Variants in CA10 observed in about 807,000 individuals in gnomAD.
CA10 encodes the protein carbonic anhydrase-related protein 10.
CA10 carries 14 observed loss-of-function variants against 44.2 expected under a neutral mutation model. The observed-to-expected ratio is 0.32, with a 90% confidence interval of 0.21 to 0.50. CA10 has a LOEUF of 0.50. CA10 is among the 20% of genes least tolerant of loss of function. CA10 has a pLI of 0.99. For missense variants in CA10, 350 were observed against 409.7 expected (o/e 0.85, Z 1.26); for synonymous variants, 159 against 141.6 (o/e 1.12, Z -0.87).
chr17:51,919,515 TTTC>T (rs1464899058), intron 3 of CA10, among the ~76,000 whole-genome samples: 1 of 152,232 alleles, frequency 6.6e-6, no homozygotes, highest in Non-Finnish European at 1.5e-5. Context: ...CTCATGTTTT[TTTC>T]TTTTCTCTCC....
chr17:51,854,852 G>T (rs893590319), intron 3 of CA10, among the ~76,000 whole-genome samples: 2 of 152,164 alleles, frequency 1.3e-5, no homozygotes, highest in African/African-American at 4.8e-5. Flanking sequence ...GTTGGGTCTG[G>T]GTCCCAGTGC....
intron 2 of CA10, among the ~76,000 whole-genome samples, chr17:51,947,362 T>C (rs936529932): frequency 2.6e-5 from 4 of 151,734 alleles, no homozygotes; most frequent in Non-Finnish European, 5.9e-5. Context: ...CCGACAAAGG[T>C]TCACATACCT....
rs186943430 is a variant in CA10 at position 51,643,366 on chromosome 17, C to A, written c.634+5816G>T. 3.4e-3 allele frequency among the ~76,000 whole-genome samples: 517 copies of A among 152,274 alleles called. 3 individuals carry two copies. Among genetic ancestry groups the A allele is most frequent in the African/African-American group, 0.012 (485 of 41,558 alleles). ...ACTTCAAGTAAATTACCAATATCTC[C>A]TCCAGAAAATCCATTCGGAAAATCT... is the stretch of plus-strand genomic sequence containing the variant. On this transcript the variant is annotated intron_variant, in intron 6 of 8. Transcript: ENST00000451037.
At chr17:51,718,691 G>C (rs767856384) in intron 4 of CA10, among the ~76,000 whole-genome samples, 6 of 152,150 alleles carry the variant, frequency 3.9e-5, no homozygotes, top group Non-Finnish European at 7.3e-5. Flanking sequence ...CCTCTGAAGT[G>C]GGGGGAAAAC....
intron 3 of CA10, among the ~76,000 whole-genome samples, chr17:51,753,934 C>T (rs749924982): frequency 3.3e-5 from 5 of 152,132 alleles, no homozygotes; most frequent in Admixed American, 3.3e-4. Context: ...ACCTCCACCT[C>T]CCGGGTTCAA....
chr17:52,114,542 C>A (rs1254484641), intron 1 of CA10, among the ~76,000 whole-genome samples: 11 of 152,150 alleles, frequency 7.2e-5, no homozygotes, highest in Admixed American at 7.2e-4. Flanking sequence ...ATAGTAAATT[C>A]CTTATAAATA....
intron 3 of CA10, among the ~76,000 whole-genome samples, chr17:51,884,203 A>C (rs1980497268): frequency 1.3e-5 from 2 of 152,060 alleles, no homozygotes; most frequent in African/African-American, 4.8e-5. Flanking sequence ...TGGCCTTTTC[A>C]CTGGACACCT....
chr17:52,156,808 G>A lies in CA10; in HGVS notation c.61+918C>T, dbSNP rs539596424. ...TTCCTTGGGTGCTTAAGTGGCAGGT[G>A]TGAAGGGAAATGGGGTGGGTGCCTT... On this transcript the variant is annotated intron_variant, in intron 1 of 8. Transcript: ENST00000451037. 7.2e-5 allele frequency among the ~76,000 whole-genome samples: 11 copies of A among 152,346 alleles called. No homozygotes were observed. The South Asian group carries it at 1.2e-3, about 17-fold the overall frequency.
intron 3 of CA10, among the ~76,000 whole-genome samples, chr17:51,860,854 A>G (rs553244130): frequency 7.9e-4 from 120 of 152,262 alleles, no homozygotes; most frequent in Non-Finnish European, 1.5e-3. Context: ...GATTTGGGGA[A>G]GCAAACAAAA....
At chr17:52,023,610 A>G (rs1157807810) in intron 2 of CA10, among the ~76,000 whole-genome samples, 1 of 152,152 alleles carries the variant, frequency 6.6e-6, no homozygotes, top group Non-Finnish European at 1.5e-5. Flanking sequence ...AACCTCCAAC[A>G]TTTACAAATG....
intron 1 of CA10, among the ~76,000 whole-genome samples, chr17:52,150,637 A>G (rs1331420652): frequency 6.6e-6 from 1 of 152,162 alleles, no homozygotes; most frequent in Non-Finnish European, 1.5e-5. Flanking sequence ...TGTGTACTCT[A>G]TTGGAAATAA....
chr17:51,831,733 A>AGCAGCAGCAGCAGCAGCAGCCGCCGCAGC (rs1567854687), intron 3 of CA10, among the ~76,000 whole-genome samples: 1 of 121,522 alleles, frequency 8.2e-6, no homozygotes, highest in African/African-American at 4.1e-5. Flanking sequence ...GCAGCAGCAG[A>AGCAGCAGCAGCAGCAGCAGCCGCCGCAGC]AAAAGACCTT....
chr17:51,748,448 T>C, intron 3 of CA10: 1 of 983,642 alleles, frequency 1.0e-6, no homozygotes, highest in Non-Finnish European at 1.2e-6. Context: ...GATTCCATCT[T>C]GCTCCAGCCC....
chr17:52,059,655 A>G (rs923561869), intron 2 of CA10, among the ~76,000 whole-genome samples: 7 of 146,980 alleles, frequency 4.8e-5, no homozygotes, highest in African/African-American at 1.7e-4. Context: ...CATGTACCCT[A>G]GAACTTAAAG....
At chr17:52,058,828 T>G (rs1014945436) in intron 2 of CA10, among the ~76,000 whole-genome samples, 1 of 152,114 alleles carries the variant, frequency 6.6e-6, no homozygotes, top group Non-Finnish European at 1.5e-5. Context: ...CACTCATGTC[T>G]CACATGCCTT....
chr17:51,697,295 C>T (rs1915436326), intron 4 of CA10, among the ~76,000 whole-genome samples: 2 of 152,198 alleles, frequency 1.3e-5, no homozygotes, highest in Admixed American at 6.5e-5. Context: ...GAGCTTATAG[C>T]CTAAGATACT....
At chr17:51,708,111 C>T (rs1380197089) in intron 4 of CA10, among the ~76,000 whole-genome samples, 1 of 152,178 alleles carries the variant, frequency 6.6e-6, no homozygotes, top group African/African-American at 2.4e-5. Context: ...TCCAGCAGTC[C>T]TTCCAATCAG....
chr17:52,069,338 TGGGGCTGGTAA>T (rs2143125897), intron 2 of CA10, among the ~76,000 whole-genome samples: 2 of 152,266 alleles, frequency 1.3e-5, no homozygotes, highest in South Asian at 4.1e-4. Context: ...AGTAACCCTC[TGGGGCTGGTAA>T]GGGGCTCCTT....
intron 3 of CA10, among the ~76,000 whole-genome samples, chr17:51,854,049 C>T (rs1456509874): frequency 1.3e-5 from 2 of 152,218 alleles, no homozygotes; most frequent in African/African-American, 4.8e-5. Context: ...TCTGCACCTG[C>T]TCTCAGATAC....
Sources: gnomAD v4.1 joint callset for allele counts (sites outside exome capture counted in the v4.1 genomes callset) on GRCh38, gnomAD v4.1.1 for gene constraint, MANE v1.5 for transcripts, NCBI Gene and HGNC (gene_info 2026-07-23, HGNC 2026-07-21) for gene names.